Variants in ZNF619 observed in about 807,000 individuals in gnomAD.
The protein encoded by ZNF619 is zinc finger protein 619.
In ZNF619, 9 loss-of-function variants were observed where a neutral mutation model predicts 14.2. The observed-to-expected ratio is 0.64, with a 90% confidence interval of 0.38 to 1.11. The LOEUF is 1.11. Among genes scored for constraint, ZNF619 ranks in the 50% least tolerant of loss-of-function variants. The pLI is 0.01. For missense variants in ZNF619, 659 were observed against 680.1 expected, an observed-to-expected ratio of 0.97 and a Z score of 0.34; for synonymous variants, 246 against 252.8, an observed-to-expected ratio of 0.97 and a Z score of 0.26.
At position 40,487,359 on chromosome 3, in the gene ZNF619, T is replaced by G. The variant is rs1188092445; in HGVS notation, c.849T>G (p.Gly283=). The change falls in exon 5 of 5, where the codon GGT becomes GGG. Residue 283 remains glycine (G), a synonymous_variant. Transcript: ENST00000432264. ...TTCTTCAGCATCAGAAGCTCCATGG[T>G]GGACAGAGGCCCTATGAATGTACTG... ...SHLLQHQKLH[G]GQRPYECTDC... The G allele has an allele frequency of 6.2e-7, 1 of 1,614,222 alleles. No individual in the cohort carries two copies. Among genetic ancestry groups the G allele is most frequent in the Non-Finnish European group, 8.5e-7 (1 of 1,180,048 alleles).
chr3:40,485,355 G>A (rs925200784), intron 4 of ZNF619, among the ~76,000 whole-genome samples: 120 of 150,312 alleles, frequency 8.0e-4, no homozygotes, highest in African/African-American at 2.6e-3. Context: ...AGGCTGGAGC[G>A]CAGTGGCGCA....
chr3:40,487,672 C>T lies in ZNF619; in HGVS notation c.1162C>T (p.Leu388Phe), dbSNP rs1314590355. Residue 388 changes from leucine to phenylalanine, a missense_variant, in exon 5 of 5, where the codon CTT becomes TTT. By Grantham distance (22) the Leu-to-Phe change is conservative. Transcript: ENST00000432264. ...GGCCTTCCACCGCAGTTCGGTATTT[C>T]TTCAGCACCAGAGGTTCCACACTGG... Reference protein sequence around the residue: ...GKAFHRSSVFLQHQRFHTGEQ... With the variant: ...GKAFHRSSVFFQHQRFHTGEQ... The T allele has an allele frequency of 1.3e-5, 21 of 1,613,390 alleles. No homozygotes were observed. The highest frequency in any genetic ancestry group is 1.8e-5 in the Non-Finnish European group (21 of 1,179,840).
At position 40,489,589 on chromosome 3, in the gene ZNF619, A is replaced by G. The variant is rs1697746671; in HGVS notation, c.*1348A>G. On this transcript the variant is annotated 3_prime_UTR_variant, in exon 5 of 5. Coordinates refer to ENST00000432264, the MANE Select transcript of ZNF619 (RefSeq NM_001145093.4). ...ATCTGTTGAATTTCAGTACCCACTCATATATGTAGGTACAAAAAGTGACTT... is the reference window on the plus strand; with the variant it reads ...ATCTGTTGAATTTCAGTACCCACTCGTATATGTAGGTACAAAAAGTGACTT... 1 of 151,922 alleles carries G rather than the reference A, an allele frequency of 6.6e-6. No individual in the cohort carries two copies. The highest frequency in any genetic ancestry group is 1.5e-5 in the Non-Finnish European group (1 of 68,000). 9.4% of individuals were successfully genotyped at this position (151,922 alleles called of 1,614,324 possible). A position where few individuals can be genotyped will look rare whatever the true frequency, so the allele number is the denominator to read the frequency against.
intron 3 of ZNF619, chr3:40,482,244 G>A: frequency 2.6e-6 from 4 of 1,551,804 alleles, no homozygotes; most frequent in Non-Finnish European, 3.5e-6. Flanking sequence ...AACTGCAGGG[G>A]GCTTTCCTCT....
intron 2 of ZNF619, 131 bp from the exon 3 acceptor site, chr3:40,481,731 CG>C: frequency 8.4e-7 from 1 of 1,184,924 alleles, no homozygotes. Context: ...AATGCTGGCT[CG>C]GGGCTGCCCC....
intron 4 of ZNF619, among the ~76,000 whole-genome samples, chr3:40,483,027 T>C (rs1206911667): frequency 6.6e-6 from 1 of 151,936 alleles, no homozygotes; most frequent in East Asian, 1.9e-4. Flanking sequence ...CCGAACAACA[T>C]AGCAAGACCC....
intron 4 of ZNF619, among the ~76,000 whole-genome samples, chr3:40,482,943 G>A (rs1007688418): frequency 8.5e-5 from 13 of 152,176 alleles, no homozygotes; most frequent in Admixed American, 2.0e-4. Context: ...TGGATGTGGT[G>A]GCTTACACCT....
chr3:40,487,115 T>C lies in ZNF619; in HGVS notation c.605T>C (p.Val202Ala), dbSNP rs779434330. 8.7e-6 allele frequency: 14 copies of C among 1,614,088 alleles called. No individual in the cohort carries two copies. The South Asian group carries it at 1.4e-4, about 16-fold the overall frequency. The change falls in exon 5 of 5, where the codon GTG (valine) becomes GCG (alanine). Residue 202 changes from valine (V) to alanine (A), a missense_variant. Physicochemically the swap from Val to Ala is moderately conservative, Grantham distance 64. Coordinates refer to ENST00000432264, the MANE Select transcript of ZNF619 (RefSeq NM_001145093.4). ...AAGCAGGGTTTTGCCAAAGAACAGG[T>C]GTTTTATAAATGTGGTGAGTGTGGC... ...ITKQGFAKEQVFYKCGECGSY... is the reference protein window; with the variant it reads ...ITKQGFAKEQAFYKCGECGSY...
rs1027529828 is a variant in ZNF619, at chr3:40,487,661, G to C, written c.1151G>C (p.Ser384Thr). The change falls in exon 5 of 5, where the codon AGT (serine) becomes ACT (threonine). Residue 384 changes from serine to threonine, a missense_variant. Transcript: ENST00000432264. The part of the protein sequence containing the change: ...CKECGKAFHR[S>T]SVFLQHQRFH... ...GAGTGTGGCAAGGCCTTCCACCGCA[G>C]TTCGGTATTTCTTCAGCACCAGAGG... 6.8e-6 allele frequency: 11 copies of C among 1,613,780 alleles called. No homozygotes were observed. The highest frequency in any genetic ancestry group is 9.3e-6 in the Non-Finnish European group (11 of 1,179,940).
Position 40,486,858 on chromosome 3 carries a change from T to G in ZNF619, c.348T>G (p.Ser116=). 6.2e-7 allele frequency: 1 copy of G among 1,612,486 alleles called. No homozygotes were observed. Among genetic ancestry groups the G allele is most frequent in the Middle Eastern group, 1.7e-4 (1 of 6,052 alleles). ...AAAAAACTGCACAGCTAAACATTTC[T>G]AAAGAATCAGAGTCCCACAGACTGA... ...NEEKTAQLNI[S]KESESHRLIV... is the part of the protein sequence containing the mutation. The change falls in exon 5 of 5, where the codon TCT becomes TCG. Residue 116 remains serine (S), a synonymous_variant. Transcript: ENST00000432264.
rs898211063 is a variant in ZNF619, at chr3:40,491,002, T to C, written c.*2761T>C. Among the ~76,000 whole-genome samples, 3 of 152,234 alleles carry C rather than the reference T, an allele frequency of 2.0e-5. No homozygotes were observed. Among genetic ancestry groups the C allele is most frequent in the African/African-American group, 7.2e-5 (3 of 41,554 alleles). ...AAGGCCAGATACGGCCCCTCCACAG[T>C]TCCCAGCCCTCGGAACCATGAGCTA... On this transcript the variant is annotated 3_prime_UTR_variant, in exon 5 of 5. Coordinates refer to ENST00000432264, the MANE Select transcript of ZNF619 (RefSeq NM_001145093.4).
chr3:40,483,818 G>A (rs536735360), intron 4 of ZNF619: 22 of 330,740 alleles, frequency 6.7e-5, no homozygotes, highest in African/African-American at 4.8e-4. Flanking sequence ...AGTAGAGATG[G>A]GGTTTCGCCA....
In ZNF619 at chr3:40,487,727, G is replaced by A; in HGVS notation, c.1217G>A (p.Trp406Ter). 1 of 1,614,116 alleles carries A rather than the reference G, an allele frequency of 6.2e-7. No homozygotes were observed. Among genetic ancestry groups the A allele is most frequent in the Non-Finnish European group, 8.5e-7 (1 of 1,180,034 alleles). Reference sequence around the variant, plus strand: ...CAACTCTACAAATGTAATGAATGTTGGAAAACTTTCAGCTGTAGCTCCCGC... The same window carrying A: ...CAACTCTACAAATGTAATGAATGTTAGAAAACTTTCAGCTGTAGCTCCCGC... ...GEQLYKCNEC[W>*]KTFSCSSRFI... The change falls in exon 5 of 5, where the codon TGG (tryptophan) becomes TAG (stop). Residue 406 changes from tryptophan (W) to a stop codon, truncating the protein, a stop_gained. Transcript: ENST00000432264. LOFTEE classifies it low-confidence loss of function (END_TRUNC).
At chr3:40,485,939 C>T (rs1317996642) in intron 4 of ZNF619, among the ~76,000 whole-genome samples, 1 of 152,126 alleles carries the variant, frequency 6.6e-6, no homozygotes, top group African/African-American at 2.4e-5. Flanking sequence ...AAATTGTGGT[C>T]TTCTCATGAA....
intron 4 of ZNF619, chr3:40,483,847 C>T (rs1018212030): frequency 3.4e-5 from 11 of 327,326 alleles, no homozygotes; most frequent in Admixed American, 4.2e-5. Context: ...AGGCTGGTCT[C>T]GAACTCCCAA....
At chr3:40,483,230 C>T (rs959926067) in intron 4 of ZNF619, among the ~76,000 whole-genome samples, 4 of 151,958 alleles carry the variant, frequency 2.6e-5, no homozygotes, top group Admixed American at 1.3e-4. Context: ...AGATTTCAAA[C>T]AGGCTTCTGT....
At position 40,488,235 on chromosome 3, in the gene ZNF619, C is replaced by T; in HGVS notation, c.1725C>T (p.Ser575=). Residue 575 remains serine (S), a synonymous_variant, in exon 5 of 5, where the codon TCC becomes TCT. Transcript: ENST00000432264. ...SLQSPNPLSH[S]L ...AGAGCCCGAATCCTTTGTCTCACTC[C>T]CTGTAAGCCCCGTCACGTTCTCAAA... 6.7e-7 allele frequency: 1 copy of T among 1,492,848 alleles called. No homozygotes were observed. The highest frequency in any genetic ancestry group is 2.3e-5 in the East Asian group (1 of 44,332). 92.5% of individuals were successfully genotyped at this position (1,492,848 alleles called of 1,614,324 possible). A position where few individuals can be genotyped will look rare whatever the true frequency, so the allele number is the denominator to read the frequency against.
chr3:40,483,390 A>G (rs1000856028), intron 4 of ZNF619, among the ~76,000 whole-genome samples: 4 of 150,078 alleles, frequency 2.7e-5, no homozygotes, highest in Non-Finnish European at 5.9e-5. Context: ...TCCTGGGTTC[A>G]AGTGTTTCTC....
Position 40,487,317 on chromosome 3 carries a change from C to T in ZNF619, c.807C>T (p.Phe269=), listed in dbSNP as rs201857902. The T allele has an allele frequency of 2.5e-6, 4 of 1,614,038 alleles. No individual in the cohort carries two copies. The highest frequency in any genetic ancestry group is 1.1e-5 in the South Asian group (1 of 91,070). ...CATGTGAGGAATGTGGACAAGCCTT[C>T]AGTCAAAATTCCCACCTTCTTCAGC... ...PYSCEECGQA[F]SQNSHLLQHQ... The change falls in exon 5 of 5, where the codon TTC becomes TTT. Residue 269 remains phenylalanine, a synonymous_variant. Transcript: ENST00000432264.
Sources: allele counts gnomAD v4.1 joint callset (sites outside exome capture counted in the v4.1 genomes callset), GRCh38; gene constraint gnomAD v4.1.1; transcripts MANE v1.5; gene names NCBI Gene and HGNC (gene_info 2026-07-23, HGNC 2026-07-21).